Variants in NODAL observed in about 807,000 individuals in gnomAD.
The protein encoded by NODAL is nodal homolog.
NODAL carries 12 observed loss-of-function variants against 34.0 expected under a neutral mutation model. The ratio of observed to expected loss-of-function variants is 0.35; its 90% CI spans 0.23 to 0.57. The LOEUF (loss-of-function observed/expected upper bound fraction) is 0.57. Ranked by LOEUF, NODAL falls within the 20% of genes least tolerant of loss-of-function variation. The pLI is 0.83. For missense variants in NODAL, 390 were observed against 444.2 expected, an observed-to-expected ratio of 0.88 and a Z score of 1.10; for synonymous variants, 162 against 186.4, an observed-to-expected ratio of 0.87 and a Z score of 1.07.
rs767335219 is a variant in NODAL at position 70,435,801 on chromosome 10, C to T, written c.376G>A (p.Asp126Asn). 6.2e-7 allele frequency: 1 copy of T among 1,614,168 alleles called. No homozygotes were observed. The highest frequency in any genetic ancestry group is 8.5e-7 in the Non-Finnish European group (1 of 1,180,054). The change falls in exon 2 of 3, where the codon GAC (aspartate) becomes AAC (asparagine). Residue 126 changes from aspartate to asparagine, a missense_variant. Coordinates refer to ENST00000287139, the MANE Select transcript of NODAL (RefSeq NM_018055.5). ...QPKPDTEQASDSCLERFQMDL... is the reference protein window; with the variant it reads ...QPKPDTEQASNSCLERFQMDL... ...ATCTGAAACCGCTCTAAGCAGCTGT[C>T]TGAAGCCTGCTCTGTGTCGGGCTTT...
In NODAL at chr10:70,441,614, C is replaced by T; in HGVS notation, c.54G>A (p.Gln18=). 1 of 1,553,476 alleles carries T rather than the reference C, an allele frequency of 6.4e-7. No homozygotes were observed. The highest frequency in any genetic ancestry group is 8.7e-7 in the Non-Finnish European group (1 of 1,149,376). The change falls in exon 1 of 3, where the codon CAG becomes CAA. Residue 18 remains glutamine (Q), a synonymous_variant. Coordinates refer to ENST00000287139, the MANE Select transcript of NODAL (RefSeq NM_018055.5). ...FLLHAWWALL[Q]AGAATVATAL... Reference sequence around the variant, plus strand: ...CAGTGGCCACCGTCGCAGCACCCGCCTGGAGTAGGGCCCACCAGGCGTGCA... The same window carrying T: ...CAGTGGCCACCGTCGCAGCACCCGCTTGGAGTAGGGCCCACCAGGCGTGCA...
At chr10:70,438,884 C>T (rs1845389347) in intron 1 of NODAL, among the ~76,000 whole-genome samples, 2 of 152,170 alleles carry the variant, frequency 1.3e-5, no homozygotes, top group African/African-American at 4.8e-5. Flanking sequence ...AACACACATC[C>T]AAATACAACA....
chr10:70,437,145 G>A (rs1471988049), intron 1 of NODAL, among the ~76,000 whole-genome samples: 1 of 152,178 alleles, frequency 6.6e-6, no homozygotes, highest in Non-Finnish European at 1.5e-5. Flanking sequence ...TGGATTTTCA[G>A]GTGACTTAAT....
At chr10:70,441,740 A>G, upstream of NODAL, 1 of 1,463,854 alleles carries the variant, frequency 6.8e-7, no homozygotes, top group Non-Finnish European at 9.3e-7. Flanking sequence ...CCCCGCCCCC[A>G]CCTTTCCTCC....
At chr10:70,447,078 T>C (rs10823544) in intron 1 of NODAL, among the ~76,000 whole-genome samples, 1,593 of 51,566 alleles carry the variant, frequency 0.031, 16 homozygotes, top group Middle Eastern at 0.071. Context: ...TCTTCTTCTT[T>C]TTTTTTTTTT....
At chr10:70,435,199 G>T in intron 2 of NODAL, 87 bp downstream of exon 2, 1 of 1,180,050 alleles carries the variant, frequency 8.5e-7, no homozygotes, top group Non-Finnish European at 1.2e-6. Context: ...GTGAATACAG[G>T]AACATAGTCA....
rs375111273 is a variant in NODAL at position 70,435,892 on chromosome 10, C to T, written c.285G>A (p.Leu95=). 21 of 1,614,036 alleles carry T rather than the reference C, an allele frequency of 1.3e-5. No homozygotes were observed. Among genetic ancestry groups the T allele is most frequent in the Non-Finnish European group, 1.8e-5 (21 of 1,180,048 alleles). The change falls in exon 2 of 3, where the codon CTG becomes CTA. Residue 95 remains leucine (L), a synonymous_variant. Coordinates refer to ENST00000287139, the MANE Select transcript of NODAL (RefSeq NM_018055.5). ...QEDLAWAELR[L]QLSSPVDLPT... ...GGAGGTCCACAGGGCTGGACAGCTGCAGCCGGAGCTCAGCCCATGCCAGAT... is the reference window on the plus strand; with the variant it reads ...GGAGGTCCACAGGGCTGGACAGCTGTAGCCGGAGCTCAGCCCATGCCAGAT...
chr10:70,435,270 A>G lies in NODAL; in HGVS notation c.891+16T>C. 1 of 1,593,728 alleles carries G rather than the reference A, an allele frequency of 6.3e-7. No individual in the cohort carries two copies. Among genetic ancestry groups the G allele is most frequent in the South Asian group, 1.1e-5 (1 of 88,324 alleles). On this transcript the variant is annotated intron_variant, in intron 2 of 2. Coordinates refer to ENST00000287139, the MANE Select transcript of NODAL (RefSeq NM_018055.5). Reference sequence around the variant, plus strand: ...CAGCTTACTGCCTCCCCTCCCCCTCACGCCTGGCATCCCACCTGGATGTAT... The same window carrying G: ...CAGCTTACTGCCTCCCCTCCCCCTCGCGCCTGGCATCCCACCTGGATGTAT...
chr10:70,443,837 C>T (rs1393985592), upstream of NODAL, among the ~76,000 whole-genome samples: 2 of 151,274 alleles, frequency 1.3e-5, no homozygotes, highest in Non-Finnish European at 2.9e-5. Flanking sequence ...GAAACTCCGT[C>T]TCAAAAAAAT....
chr10:70,446,947 G>A (rs965075640), intron 1 of NODAL, among the ~76,000 whole-genome samples: 1 of 151,926 alleles, frequency 6.6e-6, no homozygotes, highest in Non-Finnish European at 1.5e-5. Context: ...TCCTCCTGCT[G>A]TTTCTACTTT....
chr10:70,435,092 A>T, intron 2 of NODAL, 194 bp downstream of exon 2: 1 of 605,734 alleles, frequency 1.7e-6, no homozygotes, highest in Admixed American at 2.8e-5. Context: ...GTGACGCATG[A>T]CCCCATACAG....
In NODAL at chr10:70,435,786, G is replaced by A. The variant is rs754863183; in HGVS notation, c.391C>T (p.Arg131Trp). 5.6e-6 allele frequency: 9 copies of A among 1,614,022 alleles called. No individual in the cohort carries two copies. Among genetic ancestry groups the A allele is most frequent in the Admixed American group, 3.3e-5 (2 of 60,002 alleles). Reference protein sequence around the residue: ...TEQASDSCLERFQMDLFTVTL... With the variant: ...TEQASDSCLEWFQMDLFTVTL... ...ACAGTGAATAGGTCCATCTGAAACCGCTCTAAGCAGCTGTCTGAAGCCTGC... is the reference window on the plus strand; with the variant it reads ...ACAGTGAATAGGTCCATCTGAAACCACTCTAAGCAGCTGTCTGAAGCCTGC... The change falls in exon 2 of 3, where the codon CGG (arginine) becomes TGG (tryptophan). Residue 131 changes from arginine (R) to tryptophan (W), a missense_variant. By Grantham distance (101) the Arg-to-Trp change is moderately radical. Transcript: ENST00000287139.
rs769914386 is a variant in NODAL, at chr10:70,435,253, T to G, written c.891+33A>C. 6 of 1,565,688 alleles carry G rather than the reference T, an allele frequency of 3.8e-6. No individual in the cohort carries two copies. The Middle Eastern group carries it at 6.7e-4, about 175-fold the overall frequency. ...GCCCTGTCCCCCAAGGCCAGCTTAC[T>G]GCCTCCCCTCCCCCTCACGCCTGGC... On this transcript the variant is annotated intron_variant, in intron 2 of 2. Coordinates refer to ENST00000287139, the MANE Select transcript of NODAL (RefSeq NM_018055.5).
upstream of NODAL, among the ~76,000 whole-genome samples, chr10:70,443,996 G>A (rs1845461546): frequency 1.4e-5 from 2 of 142,532 alleles, no homozygotes; most frequent in African/African-American, 2.6e-5. Flanking sequence ...GCAATGGCAC[G>A]ACCTTGGCTC....
chr10:70,445,700 A>C (rs1845482135), upstream of NODAL, among the ~76,000 whole-genome samples: 1 of 152,260 alleles, frequency 6.6e-6, no homozygotes, highest in African/African-American at 2.4e-5. Flanking sequence ...ACAGAAGCTC[A>C]GATAATTTGC....
At position 70,435,768 on chromosome 10, in the gene NODAL, A is replaced by AT. The variant is rs763366855; in HGVS notation, c.408dup (p.Phe137IlefsTer141). 6.2e-7 allele frequency: 1 copy of AT among 1,614,144 alleles called. No homozygotes were observed. The highest frequency in any genetic ancestry group is 1.7e-4 in the Middle Eastern group (1 of 6,060). On this transcript the variant is annotated frameshift_variant, in exon 2 of 3. Coordinates refer to ENST00000287139, the MANE Select transcript of NODAL (RefSeq NM_018055.5). LOFTEE classifies it high-confidence loss of function. Reference sequence around the variant, plus strand: ...GTGACCTGGGACAAAGTGACAGTGAATAGGTCCATCTGAAACCGCTCTAAG... The same window carrying AT: ...GTGACCTGGGACAAAGTGACAGTGAATTAGGTCCATCTGAAACCGCTCTAAG...
intron 1 of NODAL, among the ~76,000 whole-genome samples, chr10:70,438,655 A>G (rs1423320002): frequency 6.6e-6 from 1 of 152,192 alleles, no homozygotes; most frequent in Non-Finnish European, 1.5e-5. Flanking sequence ...CAGGGGTGCA[A>G]AGTTTCCTAT....
intron 1 of NODAL, among the ~76,000 whole-genome samples, chr10:70,447,646 G>T (rs1845502486): frequency 7.3e-6 from 1 of 137,150 alleles, no homozygotes; most frequent in Non-Finnish European, 1.6e-5. Flanking sequence ...GGGTGACAGA[G>T]TGAGACCCTG....
intron 1 of NODAL, among the ~76,000 whole-genome samples, chr10:70,436,764 C>A (rs1334899195): frequency 1.3e-5 from 2 of 152,086 alleles, no homozygotes; most frequent in African/African-American, 4.8e-5. Flanking sequence ...TACCCACCTA[C>A]AGGATGCTCG....
Sources: gnomAD v4.1 joint callset for allele counts (sites outside exome capture counted in the v4.1 genomes callset) on GRCh38, gnomAD v4.1.1 for gene constraint, MANE v1.5 for transcripts, NCBI Gene and HGNC (gene_info 2026-07-23, HGNC 2026-07-21) for gene names.